LHFPL6: variants seen among roughly 807,000 people sequenced by gnomAD.
LHFPL6 encodes the protein LHFPL tetraspan subfamily member 6 protein.
A neutral mutation model predicts 20.6 loss-of-function variants in LHFPL6; 9 were observed. The observed-to-expected ratio is 0.44, with a 90% confidence interval of 0.26 to 0.76. The LOEUF is 0.76. Among genes scored for constraint, LHFPL6 ranks in the 30% least tolerant of loss-of-function variants. The pLI is 0.20. For missense variants in LHFPL6, 218 were observed against 253.5 expected, an observed-to-expected ratio of 0.86 and a Z score of 0.95; for synonymous variants, 105 against 98.7, an observed-to-expected ratio of 1.06 and a Z score of -0.38.
chr13:39,472,455 G>C (rs1351869610), intron 2 of LHFPL6, among the ~76,000 whole-genome samples: 3 of 152,072 alleles, frequency 2.0e-5, no homozygotes, highest in Non-Finnish European at 1.5e-5. Flanking sequence ...TGTCTTCATT[G>C]TTACAGGACT....
chr13:39,573,359 A>C (rs1014723605), intron 2 of LHFPL6, among the ~76,000 whole-genome samples: 1 of 152,200 alleles, frequency 6.6e-6, no homozygotes, highest in Non-Finnish European at 1.5e-5. Flanking sequence ...TCTTTTTTTA[A>C]TGTATGTTTT....
intron 3 of LHFPL6, among the ~76,000 whole-genome samples, chr13:39,378,023 C>T (rs1010474583): frequency 5.3e-5 from 8 of 152,204 alleles, no homozygotes; most frequent in African/African-American, 1.7e-4. Flanking sequence ...ATTAGACCAA[C>T]GATGTGAAAT....
At chr13:39,347,905 C>G (rs1361663720) in intron 3 of LHFPL6, among the ~76,000 whole-genome samples, 1 of 152,074 alleles carries the variant, frequency 6.6e-6, no homozygotes, top group Non-Finnish European at 1.5e-5. Context: ...ATGTATTGAC[C>G]TATACATAGT....
chr13:39,401,098 G>A (rs1330797363), intron 2 of LHFPL6, among the ~76,000 whole-genome samples: 1 of 152,170 alleles, frequency 6.6e-6, no homozygotes, highest in Non-Finnish European at 1.5e-5. Flanking sequence ...ACTATGTTGA[G>A]CGCAACTACA....
At chr13:39,357,384 C>T (rs1018311717) in intron 3 of LHFPL6, among the ~76,000 whole-genome samples, 1 of 152,140 alleles carries the variant, frequency 6.6e-6, no homozygotes. Context: ...AACCCACAGC[C>T]AACATCATAC....
intron 2 of LHFPL6, among the ~76,000 whole-genome samples, chr13:39,428,228 T>C (rs1165374354): frequency 6.6e-6 from 1 of 152,222 alleles, no homozygotes; most frequent in Non-Finnish European, 1.5e-5. Flanking sequence ...GCTGGCCTTA[T>C]AAAATGAATT....
At chr13:39,420,505 G>A (rs754016233) in intron 2 of LHFPL6, among the ~76,000 whole-genome samples, 1 of 152,112 alleles carries the variant, frequency 6.6e-6, no homozygotes, top group Non-Finnish European at 1.5e-5. Flanking sequence ...AAAATGACAA[G>A]ATTTTTAAAA....
intron 2 of LHFPL6, among the ~76,000 whole-genome samples, chr13:39,496,787 T>A (rs1869114994): frequency 6.6e-6 from 1 of 152,176 alleles, no homozygotes; most frequent in Non-Finnish European, 1.5e-5. Flanking sequence ...ACCACAGGGA[T>A]CCAGGGGTGG....
chr13:39,445,231 T>C (rs1230727832), intron 2 of LHFPL6, among the ~76,000 whole-genome samples: 1 of 152,216 alleles, frequency 6.6e-6, no homozygotes, highest in Non-Finnish European at 1.5e-5. Flanking sequence ...TACTCTATTA[T>C]AGCAGCATGA....
rs145320447 is a variant in LHFPL6, at chr13:39,431,737, T to C, written c.386-53211A>G. ...ATTTGTGGGGGGGGGGGGCTTCCTC[T>C]CATATTCCACATCAAATTTGTCAGC... On this transcript the variant is annotated intron_variant, in intron 2 of 3. Coordinates refer to ENST00000379589, the MANE Select transcript of LHFPL6 (RefSeq NM_005780.3). 1.7e-3 allele frequency among the ~76,000 whole-genome samples: 249 copies of C among 145,068 alleles called. 3 individuals carry two copies. The highest frequency in any genetic ancestry group is 5.6e-3 in the African/African-American group (221 of 39,150).
In LHFPL6 at chr13:39,578,937, A is replaced by C. The variant is rs9594345; in HGVS notation, c.385+21895T>G. ...TGGGGTCTGTGAAGAGAGGAGAGAA[A>C]GGTGAAGGGAACAGCGTTCAGCAAA... On this transcript the variant is annotated intron_variant, in intron 2 of 3. Coordinates refer to ENST00000379589, the MANE Select transcript of LHFPL6 (RefSeq NM_005780.3). Among the ~76,000 whole-genome samples the C allele has an allele frequency of 1.9e-3, 292 of 152,286 alleles. 1 individual carries two copies. The highest frequency in any genetic ancestry group is 6.9e-3 in the African/African-American group (285 of 41,556).
intron 2 of LHFPL6, among the ~76,000 whole-genome samples, chr13:39,392,467 A>T (rs1870735061): frequency 6.6e-6 from 1 of 152,050 alleles, no homozygotes; most frequent in Admixed American, 6.5e-5. Flanking sequence ...GGTGGCAGGC[A>T]CCTGTAATCC....
intron 2 of LHFPL6, among the ~76,000 whole-genome samples, chr13:39,534,015 T>C (rs775307667): frequency 3.3e-5 from 5 of 152,076 alleles, no homozygotes; most frequent in African/African-American, 4.8e-5. Context: ...TTCAGAAATA[T>C]CAAAAACAGA....
chr13:39,465,471 C>T (rs916690066), intron 2 of LHFPL6, among the ~76,000 whole-genome samples: 3 of 152,120 alleles, frequency 2.0e-5, no homozygotes, highest in Non-Finnish European at 2.9e-5. Context: ...CAAATTATGA[C>T]TATTCAATTA....
At chr13:39,367,973 A>C (rs1223887522) in intron 3 of LHFPL6, among the ~76,000 whole-genome samples, 1 of 152,164 alleles carries the variant, frequency 6.6e-6, no homozygotes, top group South Asian at 2.1e-4. Context: ...CCAAAACATG[A>C]CCCCAAATCA....
At chr13:39,421,301 A>G (rs1018994332) in intron 2 of LHFPL6, among the ~76,000 whole-genome samples, 2 of 152,226 alleles carry the variant, frequency 1.3e-5, no homozygotes, top group Admixed American at 6.5e-5. Flanking sequence ...TAAACTTTTC[A>G]TAAAATATAA....
chr13:39,527,876 T>C (rs1593350267), intron 2 of LHFPL6, among the ~76,000 whole-genome samples: 1 of 152,266 alleles, frequency 6.6e-6, no homozygotes, highest in Non-Finnish European at 1.5e-5. Flanking sequence ...TGAGAACTTC[T>C]AGCAACTTCT....
intron 3 of LHFPL6, among the ~76,000 whole-genome samples, chr13:39,357,667 A>C (rs1271975753): frequency 6.6e-6 from 1 of 152,232 alleles, no homozygotes; most frequent in African/African-American, 2.4e-5. Flanking sequence ...ATACAAAATC[A>C]ATGCAGAAAA....
At chr13:39,376,213 G>A (rs1395726934) in intron 3 of LHFPL6, among the ~76,000 whole-genome samples, 1 of 152,068 alleles carries the variant, frequency 6.6e-6, no homozygotes, top group African/African-American at 2.4e-5. Context: ...ATCAAGTTGA[G>A]GCCTGTGTTG....
Sources: gnomAD v4.1 joint callset for allele counts (sites outside exome capture counted in the v4.1 genomes callset) on GRCh38, gnomAD v4.1.1 for gene constraint, MANE v1.5 for transcripts, NCBI Gene and HGNC (gene_info 2026-07-23, HGNC 2026-07-21) for gene names.